The following MICAL3 variants were observed in gnomAD, a reference collection of about 807,000 sequenced individuals.
The protein encoded by MICAL3 is [F-actin]-monooxygenase MICAL3.
MICAL3 carries 62 observed loss-of-function variants against 207.4 expected under a neutral mutation model. The observed-to-expected ratio is 0.30, with a 90% CI of 0.24 to 0.37. The LOEUF (loss-of-function observed/expected upper bound fraction) is 0.37, where lower values mean the gene tolerates loss of function less well. MICAL3 is among the 10% of genes least tolerant of loss of function. The pLI is 1.00. For synonymous variants in MICAL3, 1,077 were observed against 1,069.3 expected (o/e 1.01, Z -0.14); for missense variants, 2,368 against 2,635.6 (o/e 0.90, Z 2.22).
At chr22:17,914,355 G>A (rs1193477912) in intron 1 of MICAL3, among the ~76,000 whole-genome samples, 2 of 152,080 alleles carry the variant, frequency 1.3e-5, no homozygotes, top group African/African-American at 4.8e-5. Flanking sequence ...ATACTGAGTC[G>A]TTACTACTCG....
intron 1 of MICAL3, among the ~76,000 whole-genome samples, chr22:17,939,612 C>T (rs1267741114): frequency 6.6e-6 from 1 of 152,226 alleles, no homozygotes; most frequent in Non-Finnish European, 1.5e-5. Context: ...TTATGAAGAA[C>T]AGACCTGCCT....
At position 17,815,436 on chromosome 22, in the gene MICAL3, G is replaced by T. The variant is rs572392160; in HGVS notation, c.5445+1254C>A. On this transcript the variant is annotated intron_variant, in intron 27 of 31. Coordinates refer to ENST00000441493, the MANE Select transcript of MICAL3 (RefSeq NM_015241.3). ...GGGACCACATTCTCCATTCTTTGCT[G>T]ACCCCCTAAAGCAGCACCCATCACC... is the stretch of plus-strand genomic sequence containing the variant. 4.6e-5 allele frequency: 7 copies of T among 152,374 alleles called. No homozygotes were observed. In the East Asian group the frequency reaches 1.2e-3, roughly 25 times the overall value. The allele number at this position is 152,374 out of a possible 1,614,324, so 9.4% of individuals were successfully genotyped here. A position where few individuals can be genotyped will look rare whatever the true frequency, so the allele number is the denominator to read the frequency against.
intron 20 of MICAL3, among the ~76,000 whole-genome samples, chr22:17,837,814 C>A (rs566701995): frequency 2.0e-4 from 30 of 152,330 alleles, no homozygotes; most frequent in African/African-American, 6.7e-4. Flanking sequence ...CCCAAACCCA[C>A]TGAATTAGAT....
chr22:17,930,860 A>G (rs1162060659), intron 1 of MICAL3, among the ~76,000 whole-genome samples: 1 of 152,238 alleles, frequency 6.6e-6, no homozygotes. Flanking sequence ...CACTCTCCAC[A>G]CTGCGGCCAG....
chr22:17,842,536 C>A (rs1481495628), intron 19 of MICAL3: 1 of 166,632 alleles, frequency 6.0e-6, no homozygotes, highest in East Asian at 1.6e-4. Context: ...TGCTGCGGAT[C>A]TGTCTCCTCA....
At chr22:17,991,650 A>G (rs1289421363) in intron 1 of MICAL3, among the ~76,000 whole-genome samples, 1 of 152,190 alleles carries the variant, frequency 6.6e-6, no homozygotes, top group African/African-American at 2.4e-5. Flanking sequence ...TGTTTAACTC[A>G]TTTATAGAAG....
At chr22:17,887,677 A>G (rs1930046262) in intron 13 of MICAL3, among the ~76,000 whole-genome samples, 1 of 152,140 alleles carries the variant, frequency 6.6e-6, no homozygotes, top group African/African-American at 2.4e-5. Flanking sequence ...TTCCCAATCT[A>G]CTACAGTTAC....
chr22:17,868,395 A>G (rs1927364219), intron 17 of MICAL3, among the ~76,000 whole-genome samples: 1 of 152,028 alleles, frequency 6.6e-6, no homozygotes, highest in Admixed American at 6.6e-5. Flanking sequence ...TCCATCTATC[A>G]ACTCATTTAA....
At chr22:17,996,363 G>A (rs573305958) in intron 1 of MICAL3, among the ~76,000 whole-genome samples, 205 of 151,120 alleles carry the variant, frequency 1.4e-3, no homozygotes, top group Non-Finnish European at 2.3e-3. Context: ...AGAATGGTGT[G>A]AACCCGGGAG....
intron 6 of MICAL3, 50 bp from the exon 7 acceptor site, chr22:17,899,598 G>A (rs199543156): frequency 1.6e-5 from 19 of 1,204,338 alleles, no homozygotes; most frequent in Non-Finnish European, 2.2e-5. Flanking sequence ...AGATGAAGGT[G>A]CATCAGGGCA....
At position 17,816,061 on chromosome 22, in the gene MICAL3, T is replaced by G. The variant is rs113943247; in HGVS notation, c.5445+629A>C. Among the ~76,000 whole-genome samples the G allele has an allele frequency of 9.2e-4, 140 of 152,270 alleles. 1 individual carries two copies. Among genetic ancestry groups the G allele is most frequent in the African/African-American group, 3.2e-3 (133 of 41,552 alleles). On this transcript the variant is annotated intron_variant, in intron 27 of 31. Coordinates refer to ENST00000441493, the MANE Select transcript of MICAL3 (RefSeq NM_015241.3). ...CAGTGGAGGTGGGGTGACATGATAC[T>G]CCGCAGAGCTCCGCCCACCCTGTAT... is the stretch of plus-strand genomic sequence containing the variant.
chr22:17,804,305 G>A (rs1465822911), intron 29 of MICAL3, among the ~76,000 whole-genome samples: 5 of 152,162 alleles, frequency 3.3e-5, no homozygotes, highest in Admixed American at 6.5e-5. Context: ...GGAGGCAAAC[G>A]TCCTACAGAA....
At chr22:18,000,247 GA>G (rs34270568) in intron 1 of MICAL3, among the ~76,000 whole-genome samples, 3,806 of 39,898 alleles carry the variant, frequency 0.095, 156 homozygotes, top group African/African-American at 0.28. Flanking sequence ...AGCTTAGGGG[GA>G]AAAAAAAAAA....
chr22:17,904,561 C>T lies in MICAL3; in HGVS notation c.472+71G>A, dbSNP rs926765209. ...GCATATGAATTCCTCAGCTAATCTG[C>T]CTGTCTCTTTCTACTGAACAAGCGT... On this transcript the variant is annotated intron_variant, in intron 3 of 31. Transcript: ENST00000441493. The T allele has an allele frequency of 3.8e-5, 44 of 1,163,964 alleles. No homozygotes were observed. In the East Asian group the frequency reaches 6.6e-4, roughly 17 times the overall value. 72.1% of individuals were successfully genotyped at this position (1,163,964 alleles called of 1,614,324 possible). A position where few individuals can be genotyped will look rare whatever the true frequency, so the allele number is the denominator to read the frequency against.
At chr22:17,995,378 T>C (rs1240704285) in intron 1 of MICAL3, among the ~76,000 whole-genome samples, 3 of 152,092 alleles carry the variant, frequency 2.0e-5, no homozygotes, top group Non-Finnish European at 4.4e-5. Flanking sequence ...GGTCTCACTA[T>C]GTTGCGCAGG....
intron 1 of MICAL3, among the ~76,000 whole-genome samples, chr22:17,956,813 TAC>T (rs1220401946): frequency 6.6e-6 from 1 of 152,164 alleles, no homozygotes; most frequent in Non-Finnish European, 1.5e-5. Flanking sequence ...TGAGAGACAC[TAC>T]AGAGACGAAG....
rs1356051948 is a variant in MICAL3, at chr22:17,836,970, G to A, written c.2801+4852C>T. Among the ~76,000 whole-genome samples, 5 of 152,320 alleles carry A rather than the reference G, an allele frequency of 3.3e-5. No individual in the cohort carries two copies. The South Asian group carries it at 1.0e-3, about 32-fold the overall frequency. On this transcript the variant is annotated intron_variant, in intron 20 of 31. Coordinates refer to ENST00000441493, the MANE Select transcript of MICAL3 (RefSeq NM_015241.3). Reference sequence around the variant, plus strand: ...CCCTGGGTGGTTTTTAAAGGGCAATGGGTAACCATGGTTTTCACTTTTAAA... The same window carrying A: ...CCCTGGGTGGTTTTTAAAGGGCAATAGGTAACCATGGTTTTCACTTTTAAA...
chr22:17,882,718 T>C (rs1481183607), intron 16 of MICAL3, among the ~76,000 whole-genome samples: 3 of 152,230 alleles, frequency 2.0e-5, no homozygotes, highest in African/African-American at 7.2e-5. Context: ...CCAAAGAACC[T>C]AACGGGGTTC....
chr22:17,890,535 T>TA (rs1930313696), intron 12 of MICAL3, among the ~76,000 whole-genome samples: 1 of 152,208 alleles, frequency 6.6e-6, no homozygotes, highest in Non-Finnish European at 1.5e-5. Context: ...CTGGGTGAGC[T>TA]AAGTGACAGG....
Sources: allele counts gnomAD v4.1 joint callset (sites outside exome capture counted in the v4.1 genomes callset), GRCh38; gene constraint gnomAD v4.1.1; transcripts MANE v1.5; gene names NCBI Gene and HGNC (gene_info 2026-07-23, HGNC 2026-07-21).